Variants in MAST4 observed in about 807,000 individuals in gnomAD.
MAST4 encodes the protein microtubule associated serine/threonine kinase family member 4.
A neutral mutation model predicts 162.7 loss-of-function variants in MAST4; 89 were observed. The ratio of observed to expected loss-of-function variants is 0.55; its 90% CI spans 0.46 to 0.65. MAST4 has a LOEUF of 0.65. Ranked by LOEUF, MAST4 falls within the 30% of genes least tolerant of loss-of-function variation. MAST4 has a pLI of 0.00. For synonymous variants in MAST4, 1,479 were observed against 1,361.1 expected, an observed-to-expected ratio of 1.09 and a Z score of -1.91; for missense variants, 3,153 against 3,374.0, an observed-to-expected ratio of 0.93 and a Z score of 1.62.
intron 4 of MAST4, among the ~76,000 whole-genome samples, chr5:67,031,079 T>G (rs1211588046): frequency 6.6e-6 from 1 of 152,128 alleles, no homozygotes; most frequent in Non-Finnish European, 1.5e-5. Context: ...TTTTCCTATG[T>G]GAAAAAAGCA....
intron 4 of MAST4, among the ~76,000 whole-genome samples, chr5:67,012,932 A>G (rs1752867513): frequency 6.6e-6 from 1 of 152,206 alleles, no homozygotes; most frequent in Admixed American, 6.5e-5. Context: ...AAGAAAAAAG[A>G]CCATAGCAGA....
chr5:66,807,813 T>A (rs1294609103), intron 3 of MAST4, among the ~76,000 whole-genome samples: 2 of 152,188 alleles, frequency 1.3e-5, no homozygotes, highest in Admixed American at 1.3e-4. Flanking sequence ...AGGCAGCTGC[T>A]TCCCTAAGAC....
At chr5:66,754,339 T>C (rs567698042) in intron 1 of MAST4, among the ~76,000 whole-genome samples, 1 of 152,184 alleles carries the variant, frequency 6.6e-6, no homozygotes, top group South Asian at 2.1e-4. Flanking sequence ...GTTCAAAAAT[T>C]AGCATATTAG....
intron 4 of MAST4, among the ~76,000 whole-genome samples, chr5:67,016,637 AG>A (rs1753316849): frequency 6.6e-6 from 1 of 152,198 alleles, no homozygotes; most frequent in Admixed American, 6.5e-5. Context: ...CTCATCTTAA[AG>A]TATCACAGTT....
intron 4 of MAST4, among the ~76,000 whole-genome samples, chr5:67,016,793 T>C (rs1415120705): frequency 6.6e-6 from 1 of 152,208 alleles, no homozygotes. Context: ...CTGTATGTAT[T>C]ATAAAATCCT....
chr5:66,727,420 C>T (rs1042031766), intron 1 of MAST4, among the ~76,000 whole-genome samples: 3 of 152,174 alleles, frequency 2.0e-5, no homozygotes, highest in Admixed American at 2.0e-4. Flanking sequence ...ACAGGCTTCT[C>T]CAGGTTATCC....
At chr5:66,709,963 G>T (rs146021206) in intron 1 of MAST4, among the ~76,000 whole-genome samples, 1 of 152,318 alleles carries the variant, frequency 6.6e-6, no homozygotes, top group East Asian at 1.9e-4. Context: ...TTTCCAGCCA[G>T]TGTTTTCTAG....
At chr5:67,066,238 A>G (rs1302643435) in intron 5 of MAST4, among the ~76,000 whole-genome samples, 1 of 152,080 alleles carries the variant, frequency 6.6e-6, no homozygotes, top group African/African-American at 2.4e-5. Flanking sequence ...GAAGAATTGA[A>G]AAATCATCTA....
chr5:66,729,382 C>A (rs1368837874), intron 1 of MAST4, among the ~76,000 whole-genome samples: 1 of 152,078 alleles, frequency 6.6e-6, no homozygotes, highest in Non-Finnish European at 1.5e-5. Flanking sequence ...ATAAATGATG[C>A]TGTTGATTAG....
chr5:67,059,889 G>A (rs777703133), intron 5 of MAST4, among the ~76,000 whole-genome samples: 2 of 151,872 alleles, frequency 1.3e-5, no homozygotes, highest in African/African-American at 4.8e-5. Context: ...TGCTTGTTTC[G>A]GGTAGGCACA....
chr5:66,961,485 T>G (rs1746009436), intron 4 of MAST4, among the ~76,000 whole-genome samples: 1 of 152,238 alleles, frequency 6.6e-6, no homozygotes, highest in Admixed American at 6.5e-5. Flanking sequence ...CAGGGCAGTT[T>G]CTGATTCCTG....
chr5:66,645,326 G>C (rs1745758230), intron 1 of MAST4, among the ~76,000 whole-genome samples: 1 of 152,284 alleles, frequency 6.6e-6, no homozygotes, highest in Middle Eastern at 3.4e-3. Flanking sequence ...GATTCTTATA[G>C]ACAGTTATCT....
At chr5:67,071,775 A>T (rs745791535) in intron 5 of MAST4, among the ~76,000 whole-genome samples, 12 of 152,210 alleles carry the variant, frequency 7.9e-5, no homozygotes, top group Non-Finnish European at 1.5e-4. Flanking sequence ...AACAAAAAGG[A>T]TTTACAGAAG....
At chr5:67,117,952 C>T (rs1323336510) in intron 12 of MAST4, among the ~76,000 whole-genome samples, 1 of 152,082 alleles carries the variant, frequency 6.6e-6, no homozygotes, top group East Asian at 1.9e-4. Context: ...ACTGATTATA[C>T]AATATGATTA....
At chr5:67,095,861 A>C (rs963390291) in intron 7 of MAST4, among the ~76,000 whole-genome samples, 186 bp downstream of exon 7, 8 of 152,216 alleles carry the variant, frequency 5.3e-5, no homozygotes, top group Non-Finnish European at 1.0e-4. Flanking sequence ...TTTCGCTGCA[A>C]GCTTTTAAAC....
At chr5:66,892,531 C>T (rs1762426194) in intron 3 of MAST4, among the ~76,000 whole-genome samples, 1 of 152,168 alleles carries the variant, frequency 6.6e-6, no homozygotes, top group Admixed American at 6.5e-5. Flanking sequence ...AGACTTTTGC[C>T]TTCTGTATTA....
chr5:66,766,446 G>A (rs2149626819), intron 2 of MAST4, among the ~76,000 whole-genome samples: 1 of 152,010 alleles, frequency 6.6e-6, no homozygotes, highest in East Asian at 1.9e-4. Context: ...AAGTTGAGAG[G>A]GTTTTCTTTT....
intron 1 of MAST4, among the ~76,000 whole-genome samples, chr5:66,751,158 T>C (rs905245255): frequency 6.6e-6 from 1 of 151,808 alleles, no homozygotes; most frequent in African/African-American, 2.4e-5. Flanking sequence ...ATCACCATCA[T>C]CAAAGACCAA....
chr5:67,016,704 C>T (rs537697977), intron 4 of MAST4, among the ~76,000 whole-genome samples: 11 of 152,178 alleles, frequency 7.2e-5, no homozygotes, highest in South Asian at 2.1e-4. Flanking sequence ...CTTATGGTGT[C>T]GCTCTGCACA....
Sources: gnomAD v4.1 joint callset for allele counts (sites outside exome capture counted in the v4.1 genomes callset) on GRCh38, gnomAD v4.1.1 for gene constraint, MANE v1.5 for transcripts, NCBI Gene and HGNC (gene_info 2026-07-23, HGNC 2026-07-21) for gene names.